The following MRPL1 variants were observed in gnomAD, a reference collection of about 807,000 sequenced individuals.
MRPL1 encodes the protein large ribosomal subunit protein uL1m.
In MRPL1, 28 loss-of-function variants were observed where a neutral mutation model predicts 38.0. The observed-to-expected ratio is 0.74, with a 90% confidence interval of 0.55 to 1.01. MRPL1 has a LOEUF of 1.01. MRPL1 is among the 50% of genes least tolerant of loss of function. MRPL1 has a pLI of 0.00. For missense variants in MRPL1, 358 were observed against 389.8 expected (o/e 0.92, Z 0.69); for synonymous variants, 123 against 126.7 (o/e 0.97, Z 0.20).
intron 8 of MRPL1, among the ~76,000 whole-genome samples, chr4:77,950,951 A>T (rs1469255091): frequency 6.6e-6 from 1 of 152,086 alleles, no homozygotes; most frequent in Non-Finnish European, 1.5e-5. Context: ...GCTCACTGCA[A>T]CCTCCGCCTC....
At chr4:77,907,892 C>CTT (rs537450784) in intron 6 of MRPL1, among the ~76,000 whole-genome samples, 25 of 139,174 alleles carry the variant, frequency 1.8e-4, no homozygotes, top group South Asian at 9.2e-4. Context: ...CTTTTCTTTT[C>CTT]TTTTTTTTTT....
At chr4:77,949,761 CT>C (rs770851480) in intron 7 of MRPL1, 35 bp from the exon 8 acceptor site, 63 of 1,317,474 alleles carry the variant, frequency 4.8e-5, no homozygotes, top group Middle Eastern at 3.7e-4. Flanking sequence ...TTCTTGCTTT[CT>C]CATCATTAAT....
At chr4:77,884,763 A>G (rs145461502) in intron 3 of MRPL1, among the ~76,000 whole-genome samples, 14 of 152,320 alleles carry the variant, frequency 9.2e-5, no homozygotes, top group Admixed American at 3.3e-4. Flanking sequence ...GATATTGTCT[A>G]TTGTTCAGCA....
intron 1 of MRPL1, among the ~76,000 whole-genome samples, chr4:77,864,341 G>A (rs1735078749): frequency 6.6e-6 from 1 of 151,954 alleles, no homozygotes; most frequent in Non-Finnish European, 1.5e-5. Flanking sequence ...CCTCTCCCCA[G>A]CCTCTTTACT....
intron 1 of MRPL1, among the ~76,000 whole-genome samples, chr4:77,866,996 T>G (rs1454331566): frequency 6.6e-6 from 1 of 152,110 alleles, no homozygotes; most frequent in Non-Finnish European, 1.5e-5. Context: ...TCCTCCCACC[T>G]CGGCCTCCCA....
intron 7 of MRPL1, among the ~76,000 whole-genome samples, chr4:77,936,843 G>A (rs536007664): frequency 2.0e-4 from 30 of 152,248 alleles, no homozygotes; most frequent in Admixed American, 5.2e-4. Context: ...TCTGAATTTA[G>A]ACAAGGTACG....
chr4:77,949,775 T>C (rs758637671), intron 7 of MRPL1, 22 bp from the exon 8 acceptor site: 17 of 1,423,670 alleles, frequency 1.2e-5, no homozygotes, highest in African/African-American at 2.8e-5. Flanking sequence ...TCATTAATGT[T>C]ATGTATATTA....
intron 2 of MRPL1, among the ~76,000 whole-genome samples, chr4:77,874,783 T>C (rs976914272): frequency 2.3e-5 from 2 of 86,106 alleles, no homozygotes; most frequent in Non-Finnish European, 4.4e-5. Flanking sequence ...TTTTCTTTTC[T>C]TTTTTTTTTT....
chr4:77,913,116 G>A (rs1399667196), intron 7 of MRPL1, among the ~76,000 whole-genome samples: 2 of 151,994 alleles, frequency 1.3e-5, no homozygotes, highest in African/African-American at 4.8e-5. Context: ...TGGGTTAGGG[G>A]ATGTTTCTTA....
intron 1 of MRPL1, chr4:77,864,694 A>G (rs1244627368): frequency 1.3e-5 from 2 of 152,202 alleles, no homozygotes; most frequent in Non-Finnish European, 2.9e-5. Flanking sequence ...GCCACCGCGA[A>G]CATAGCGAAA....
chr4:77,885,480 C>G, intron 4 of MRPL1, 141 bp downstream of exon 4: 1 of 593,012 alleles, frequency 1.7e-6, no homozygotes. Flanking sequence ...GATTCTCCTG[C>G]CTCAGCCTCC....
chr4:77,883,666 C>T (rs1735602980), intron 3 of MRPL1, among the ~76,000 whole-genome samples, 166 bp downstream of exon 3: 2 of 152,158 alleles, frequency 1.3e-5, no homozygotes, highest in South Asian at 4.1e-4. Flanking sequence ...CAGACTCCAC[C>T]TCCCGGGCTC....
intron 7 of MRPL1, among the ~76,000 whole-genome samples, chr4:77,935,272 G>A (rs756836539): frequency 1.3e-5 from 2 of 152,004 alleles, no homozygotes; most frequent in Non-Finnish European, 2.9e-5. Context: ...ACTATCTTTC[G>A]ATTTTAAAAA....
intron 2 of MRPL1, among the ~76,000 whole-genome samples, chr4:77,881,387 T>C (rs1311950410): frequency 1.3e-5 from 2 of 152,036 alleles, no homozygotes; most frequent in Non-Finnish European, 2.9e-5. Context: ...CCAAGCTAGA[T>C]ACCTAGGAAG....
intron 5 of MRPL1, among the ~76,000 whole-genome samples, chr4:77,889,178 G>C (rs750232091): frequency 2.0e-5 from 3 of 152,080 alleles, no homozygotes; most frequent in Non-Finnish European, 4.4e-5. Flanking sequence ...CAGAATATGC[G>C]TTCTTCTCAG....
chr4:77,864,544 T>C (rs1735082672), intron 1 of MRPL1: 1 of 152,244 alleles, frequency 6.6e-6, no homozygotes, highest in Admixed American at 6.5e-5. Context: ...GACAAACTTT[T>C]AGGTAATTCA....
intron 2 of MRPL1, among the ~76,000 whole-genome samples, chr4:77,873,818 T>C (rs1331397017): frequency 6.6e-6 from 1 of 152,218 alleles, no homozygotes; most frequent in African/African-American, 2.4e-5. Context: ...AGATAAAAGA[T>C]AATTCATGGT....
chr4:77,916,936 A>T (rs1291767087), intron 7 of MRPL1, among the ~76,000 whole-genome samples: 1 of 152,232 alleles, frequency 6.6e-6, no homozygotes, highest in African/African-American at 2.4e-5. Context: ...ACAGTGTGTT[A>T]AAGTACTTGT....
At chr4:77,908,686 C>A (rs995850060) in intron 6 of MRPL1, among the ~76,000 whole-genome samples, 19 of 152,168 alleles carry the variant, frequency 1.2e-4, no homozygotes, top group African/African-American at 4.3e-4. Context: ...CTTGAAACAA[C>A]ACGCATTTAT....
Sources: allele counts gnomAD v4.1 joint callset (sites outside exome capture counted in the v4.1 genomes callset), GRCh38; gene constraint gnomAD v4.1.1; transcripts MANE v1.5; gene names NCBI Gene and HGNC (gene_info 2026-07-23, HGNC 2026-07-21).